SGO1: variants seen among roughly 807,000 people sequenced by gnomAD.
SGO1 encodes serologically defined breast cancer antigen NY-BR-85.
A neutral mutation model predicts 50.5 loss-of-function variants in SGO1; 39 were observed. The observed-to-expected ratio is 0.77, with a 90% CI of 0.60 to 1.01. SGO1 has a LOEUF of 1.01. Ranked by LOEUF, SGO1 falls within the 50% of genes least tolerant of loss-of-function variation. The pLI is 0.00. For synonymous variants in SGO1, 191 were observed against 205.1 expected (o/e 0.93, Z 0.59); for missense variants, 638 against 606.0 (o/e 1.05, Z -0.55).
At chr3:20,184,926 CA>C (rs60350092) in intron 1 of SGO1, among the ~76,000 whole-genome samples, 44,619 of 149,838 alleles carry the variant, frequency 0.3, 7,786 homozygotes, top group East Asian at 0.73. Flanking sequence ...CTTAAAATTG[CA>C]AAAAAAAAAG....
At chr3:20,175,513 T>C (rs1701278241) in intron 5 of SGO1, among the ~76,000 whole-genome samples, 1 of 152,148 alleles carries the variant, frequency 6.6e-6, no homozygotes, top group South Asian at 2.1e-4. Context: ...AAAAACATTA[T>C]AGGCCAGGCA....
chr3:20,185,567 C>A (rs561581918), intron 1 of SGO1, among the ~76,000 whole-genome samples: 5 of 152,230 alleles, frequency 3.3e-5, no homozygotes, highest in African/African-American at 9.6e-5. Flanking sequence ...AGTCCTGCTG[C>A]GAAGACAGCC....
At chr3:20,172,095 T>C (rs963733490) in intron 6 of SGO1, among the ~76,000 whole-genome samples, 23 of 152,248 alleles carry the variant, frequency 1.5e-4, no homozygotes, top group African/African-American at 4.8e-4. Context: ...TGTACTGTAT[T>C]AATTATTCCA....
intron 4 of SGO1, among the ~76,000 whole-genome samples, chr3:20,178,017 G>C (rs1701595059): frequency 6.6e-6 from 1 of 152,014 alleles, no homozygotes; most frequent in Non-Finnish European, 1.5e-5. Flanking sequence ...GTATGAAGTA[G>C]AATTAAAAAC....
chr3:20,174,833 A>C lies in SGO1; in HGVS notation c.698T>G (p.Val233Gly). ...TACATTTTCAGGTATGTGCATGTTT[A>C]CTAGTGGGTCTAAAAATCCAACTCT... ...FERVGFLDPL[V>G]NMHIPENVQH... The change falls in exon 6 of 8, where the codon GTA becomes GGA. Residue 233 changes from valine to glycine, a missense_variant. Val to Gly is a moderately radical substitution (Grantham distance 109, BLOSUM62 -3). Transcript: ENST00000412997. 5 of 1,614,086 alleles carry C rather than the reference A, an allele frequency of 3.1e-6. No homozygotes were observed. Among genetic ancestry groups the C allele is most frequent in the Non-Finnish European group, 4.2e-6 (5 of 1,180,018 alleles).
At position 20,181,343 on chromosome 3, in the gene SGO1, C is replaced by T. The variant is rs1347613829; in HGVS notation, c.339+2265G>A. On this transcript the variant is annotated intron_variant, in intron 3 of 7. Coordinates refer to ENST00000412997, the MANE Select transcript of SGO1 (RefSeq NM_001199251.3). Reference sequence around the variant, plus strand: ...AAAAGGCTGTTAAAAATTACCTAAACGTTAACTATTGCTAGGGCTAGGCAA... The same window carrying T: ...AAAAGGCTGTTAAAAATTACCTAAATGTTAACTATTGCTAGGGCTAGGCAA... Among the ~76,000 whole-genome samples the T allele has an allele frequency of 5.9e-5, 9 of 152,282 alleles. No individual in the cohort carries two copies. In the South Asian group the frequency reaches 6.2e-4, roughly 11 times the overall value.
chr3:20,186,397 C>A (rs1001138137), upstream of SGO1: 1 of 152,334 alleles, frequency 6.6e-6, no homozygotes, highest in Non-Finnish European at 1.5e-5. Context: ...CTCGGCGACC[C>A]GCCGGGACTT....
At chr3:20,183,052 T>C (rs929139113) in intron 3 of SGO1, among the ~76,000 whole-genome samples, 2 of 152,142 alleles carry the variant, frequency 1.3e-5, no homozygotes, top group Non-Finnish European at 2.9e-5. Context: ...CAAATGTTTA[T>C]GATCTTACTT....
intron 1 of SGO1, among the ~76,000 whole-genome samples, 164 bp from the exon 2 acceptor site, chr3:20,184,198 C>T (rs988418193): frequency 6.6e-6 from 1 of 152,114 alleles, no homozygotes; most frequent in Admixed American, 6.6e-5. Flanking sequence ...CTTTTAAAAT[C>T]TCATTCATAT....
At position 20,174,258 on chromosome 3, in the gene SGO1, T is replaced by C. The variant is rs1028681690; in HGVS notation, c.1273A>G (p.Thr425Ala). The change falls in exon 6 of 8, where the codon ACT (threonine) becomes GCT (alanine). Residue 425 changes from threonine to alanine, a missense_variant. Thr to Ala is a moderately conservative substitution (Grantham distance 58). Transcript: ENST00000412997. ...KETEGSKPTKTPTTTPPETQQ... is the reference protein window; with the variant it reads ...KETEGSKPTKAPTTTPPETQQ... ...CAAGTAGATCACTTACTGGTAGGAG[T>C]TTTTGTTGGCTTAGAACCCTCCGTC... 6 of 1,610,958 alleles carry C rather than the reference T, an allele frequency of 3.7e-6. No individual in the cohort carries two copies. The highest frequency in any genetic ancestry group is 5.1e-6 in the Non-Finnish European group (6 of 1,178,136).
intron 4 of SGO1, among the ~76,000 whole-genome samples, chr3:20,177,544 G>T (rs977423480): frequency 1.3e-5 from 2 of 152,174 alleles, no homozygotes; most frequent in African/African-American, 2.4e-5. Context: ...TTCTCCTGAT[G>T]ATGTTACTGG....
chr3:20,183,294 G>T (rs1175287090), intron 3 of SGO1, among the ~76,000 whole-genome samples: 1 of 152,182 alleles, frequency 6.6e-6, no homozygotes, highest in Non-Finnish European at 1.5e-5. Flanking sequence ...TAGCTTAGTT[G>T]CACTATCTTT....
At chr3:20,184,198 C>CTCAT (rs1207218062) in intron 1 of SGO1, among the ~76,000 whole-genome samples, 164 bp from the exon 2 acceptor site, 2 of 152,114 alleles carry the variant, frequency 1.3e-5, no homozygotes, top group Non-Finnish European at 2.9e-5. Flanking sequence ...CTTTTAAAAT[C>CTCAT]TCATTCATAT....
At chr3:20,165,708 G>A (rs1396431349), downstream of SGO1, among the ~76,000 whole-genome samples, 3 of 152,142 alleles carry the variant, frequency 2.0e-5, no homozygotes, top group Non-Finnish European at 2.9e-5. Context: ...GTGTATACAA[G>A]AAATTATATA....
At chr3:20,179,496 C>T (rs1701769496) in intron 3 of SGO1, among the ~76,000 whole-genome samples, 2 of 147,606 alleles carry the variant, frequency 1.4e-5, no homozygotes, top group South Asian at 2.3e-4. Flanking sequence ...GCTATCATAG[C>T]TCACTGCAGC....
chr3:20,170,954 G>A, intron 7 of SGO1, 89 bp downstream of exon 7: 2 of 1,466,656 alleles, frequency 1.4e-6, no homozygotes, highest in Non-Finnish European at 1.8e-6. Context: ...TTATATTTCA[G>A]AAAAAACTCA....
chr3:20,177,473 C>G (rs1176895917), intron 4 of SGO1, among the ~76,000 whole-genome samples: 1 of 152,150 alleles, frequency 6.6e-6, no homozygotes, highest in Non-Finnish European at 1.5e-5. Context: ...GGCAGTAGTT[C>G]TCATCCAAGG....
rs1450502288 is a variant in SGO1 at position 20,170,862 on chromosome 3, A to G, written c.1473-47T>C. Reference sequence around the variant, plus strand: ...TCAGGCATAATGTAAGCATCCCAATATTAACTTACTCTTCCCTACCAAGTT... The same window carrying G: ...TCAGGCATAATGTAAGCATCCCAATGTTAACTTACTCTTCCCTACCAAGTT... On this transcript the variant is annotated intron_variant, in intron 7 of 7. Transcript: ENST00000412997. The G allele has an allele frequency of 1.9e-6, 3 of 1,564,130 alleles. No homozygotes were observed. The African/African-American group carries it at 4.2e-5, about 22-fold the overall frequency.
chr3:20,169,055 G>C (rs1700468991), downstream of SGO1: 2 of 985,164 alleles, frequency 2.0e-6, no homozygotes, highest in Middle Eastern at 5.2e-4. Flanking sequence ...TAAAAATTAA[G>C]AGACTGTGAT....
Sources: allele counts gnomAD v4.1 joint callset (sites outside exome capture counted in the v4.1 genomes callset), GRCh38; gene constraint gnomAD v4.1.1; transcripts MANE v1.5; gene names NCBI Gene and HGNC (gene_info 2026-07-23, HGNC 2026-07-21).